The following SLC1A2 variants were observed in gnomAD, a reference collection of about 807,000 sequenced individuals.
SLC1A2 encodes the protein solute carrier family 1 member 2.
A neutral mutation model predicts 48.8 loss-of-function variants in SLC1A2; 15 were observed. The ratio of observed to expected loss-of-function variants is 0.31; its 90% confidence interval spans 0.21 to 0.47. SLC1A2 has a LOEUF of 0.47. Among genes scored for constraint, SLC1A2 ranks in the 20% least tolerant of loss-of-function variants. The pLI is 0.99. For synonymous variants in SLC1A2, 279 were observed against 272.6 expected, an observed-to-expected ratio of 1.02 and a Z score of -0.23; for missense variants, 502 against 730.5, an observed-to-expected ratio of 0.69 and a Z score of 3.61.
At chr11:35,415,943 T>C (rs1294521837) in intron 1 of SLC1A2, among the ~76,000 whole-genome samples, 2 of 152,214 alleles carry the variant, frequency 1.3e-5, no homozygotes, top group Non-Finnish European at 2.9e-5. Context: ...CAACTACTTA[T>C]AATCTCTTTC....
chr11:35,350,627 G>A (rs896469245), intron 1 of SLC1A2, among the ~76,000 whole-genome samples: 32 of 152,286 alleles, frequency 2.1e-4, no homozygotes, highest in African/African-American at 6.3e-4. Flanking sequence ...GGATCCTTCC[G>A]TAAAGACACA....
chr11:35,408,816 T>C (rs1376056246), intron 1 of SLC1A2, among the ~76,000 whole-genome samples: 3 of 152,248 alleles, frequency 2.0e-5, no homozygotes, highest in Non-Finnish European at 4.4e-5. Context: ...TAAATGTAGA[T>C]TGAATGTAAT....
In SLC1A2 at chr11:35,260,968, GA is replaced by G; in HGVS notation, c.1654-4del. On this transcript the variant is annotated splice_polypyrimidine_tract_variant and splice_region_variant and intron_variant, in intron 10 of 10. Coordinates refer to ENST00000278379, the MANE Select transcript of SLC1A2 (RefSeq NM_004171.4). ...TTTCCATTGGCTGCCAGAGTTACCT[GA>G]AAATAATTATCATCAACATCCAGCT... is the stretch of plus-strand genomic sequence containing the variant. The G allele has an allele frequency of 6.2e-7, 1 of 1,611,704 alleles. No individual in the cohort carries two copies.
intron 1 of SLC1A2, chr11:35,418,619 G>A: frequency 3.4e-6 from 1 of 293,856 alleles, no homozygotes; most frequent in Non-Finnish European, 6.3e-6. Flanking sequence ...CCCGGTGTCT[G>A]CTCACACTAT....
intron 1 of SLC1A2, among the ~76,000 whole-genome samples, chr11:35,410,026 A>T (rs1395034512): frequency 1.3e-5 from 2 of 152,188 alleles, no homozygotes; most frequent in African/African-American, 2.4e-5. Flanking sequence ...ACAAAAAAAA[A>T]TGACTATTTC....
chr11:35,409,105 A>G (rs1855385620), intron 1 of SLC1A2, among the ~76,000 whole-genome samples: 1 of 152,248 alleles, frequency 6.6e-6, no homozygotes, highest in Non-Finnish European at 1.5e-5. Flanking sequence ...TCACGAAGAT[A>G]TAATTTGCAA....
At chr11:35,385,914 T>C (rs1223321556) in intron 1 of SLC1A2, among the ~76,000 whole-genome samples, 1 of 152,126 alleles carries the variant, frequency 6.6e-6, no homozygotes, top group Admixed American at 6.5e-5. Context: ...AAGCCTGTAA[T>C]CCCAGCACTT....
At chr11:35,268,469 G>T (rs1415347436) in intron 9 of SLC1A2, among the ~76,000 whole-genome samples, 1 of 152,058 alleles carries the variant, frequency 6.6e-6, no homozygotes, top group South Asian at 2.1e-4. Flanking sequence ...CTGAGGTCAG[G>T]CATTTGAGAC....
rs1453574678 is a variant in SLC1A2, at chr11:35,259,399, TC to T, written c.*1494del. On this transcript the variant is annotated 3_prime_UTR_variant, in exon 11 of 11. Coordinates refer to ENST00000278379, the MANE Select transcript of SLC1A2 (RefSeq NM_004171.4). ...TCAATGATTCAAGTCCCAAGCTTAC[TC>T]CCAAACCCAGCAACCTTAGGAAAAT... 3.3e-5 allele frequency: 5 copies of T among 152,590 alleles called. No homozygotes were observed. The highest frequency in any genetic ancestry group is 4.8e-5 in the African/African-American group (2 of 41,432). The allele number at this position is 152,590 out of a possible 1,614,324, so 9.5% of individuals were successfully genotyped here.
At chr11:35,278,983 C>A (rs886999957) in intron 9 of SLC1A2, among the ~76,000 whole-genome samples, 10 of 152,250 alleles carry the variant, frequency 6.6e-5, no homozygotes, top group South Asian at 2.1e-4. Flanking sequence ...CGCACCACTG[C>A]ACTCCATCCT....
chr11:35,409,330 G>A (rs1018053840), intron 1 of SLC1A2, among the ~76,000 whole-genome samples: 1 of 152,148 alleles, frequency 6.6e-6, no homozygotes, highest in African/African-American at 2.4e-5. Context: ...AGGACTCCAT[G>A]GGAAATAACA....
At chr11:35,272,747 C>T (rs912325064) in intron 9 of SLC1A2, among the ~76,000 whole-genome samples, 9 of 152,112 alleles carry the variant, frequency 5.9e-5, no homozygotes, top group East Asian at 1.9e-4. Context: ...TGGGTCTGGA[C>T]GCTGTGTGTC....
chr11:35,326,444 G>T (rs1408928723), intron 1 of SLC1A2, among the ~76,000 whole-genome samples: 2 of 152,220 alleles, frequency 1.3e-5, no homozygotes, highest in African/African-American at 4.8e-5. Flanking sequence ...AGATGGGAGT[G>T]ACTGGGATGT....
Position 35,254,844 on chromosome 11 carries a change from A to G in SLC1A2, c.*6050T>C, listed in dbSNP as rs1950291930. The G allele has an allele frequency of 4.4e-6, 2 of 454,690 alleles. No individual in the cohort carries two copies. The highest frequency in any genetic ancestry group is 8.8e-6 in the Non-Finnish European group (2 of 226,500). The allele number at this position is 454,690 out of a possible 1,614,324, so 28.2% of individuals were successfully genotyped here. ...ACCAGAAGGATTTTGTAAAATATCAAAATGAATATTTGGCCTGGAGGTTGG... is the reference window on the plus strand; with the variant it reads ...ACCAGAAGGATTTTGTAAAATATCAGAATGAATATTTGGCCTGGAGGTTGG... On this transcript the variant is annotated 3_prime_UTR_variant, in exon 11 of 11. Coordinates refer to ENST00000278379, the MANE Select transcript of SLC1A2 (RefSeq NM_004171.4).
At chr11:35,288,499 G>C (rs1565216287) in intron 7 of SLC1A2, among the ~76,000 whole-genome samples, 1 of 152,048 alleles carries the variant, frequency 6.6e-6, no homozygotes. Context: ...CCTTTCGAAG[G>C]GTTGCCAGGA....
chr11:35,280,848 C>A lies in SLC1A2; in HGVS notation c.1421+19G>T. 6.4e-7 allele frequency: 1 copy of A among 1,572,332 alleles called. No homozygotes were observed. Among genetic ancestry groups the A allele is most frequent in the Non-Finnish European group, 8.7e-7 (1 of 1,152,408 alleles). ...GCAGTACTCACAGTCCCAGCAGAAC[C>A]CCATCCACAGACACTTACAGCAGCC... is the stretch of plus-strand genomic sequence containing the variant. On this transcript the variant is annotated intron_variant, in intron 9 of 10. Coordinates refer to ENST00000278379, the MANE Select transcript of SLC1A2 (RefSeq NM_004171.4).
At chr11:35,276,954 T>C (rs542829224) in intron 9 of SLC1A2, among the ~76,000 whole-genome samples, 2 of 152,254 alleles carry the variant, frequency 1.3e-5, no homozygotes, top group African/African-American at 4.8e-5. Flanking sequence ...GGTTGGGAAA[T>C]CCAAGATCAA....
chr11:35,311,143 G>C (rs913679196), intron 4 of SLC1A2, among the ~76,000 whole-genome samples: 7 of 152,064 alleles, frequency 4.6e-5, no homozygotes. Flanking sequence ...GAGTACCATT[G>C]GGTTAAATTC....
chr11:35,361,749 G>C (rs1853687714), intron 1 of SLC1A2, among the ~76,000 whole-genome samples: 1 of 152,146 alleles, frequency 6.6e-6, no homozygotes. Flanking sequence ...GGCCTAGGCA[G>C]GAGGACTCCT....
Sources: allele counts gnomAD v4.1 joint callset (sites outside exome capture counted in the v4.1 genomes callset), GRCh38; gene constraint gnomAD v4.1.1; transcripts MANE v1.5; gene names NCBI Gene and HGNC (gene_info 2026-07-23, HGNC 2026-07-21).